The following SNTG1 variants were observed in gnomAD, a reference collection of about 807,000 sequenced individuals.
The protein encoded by SNTG1 is syntrophin gamma 1, also known as gamma-1-syntrophin.
A neutral mutation model predicts 74.7 loss-of-function variants in SNTG1; 39 were observed. The observed-to-expected ratio is 0.52, with a 90% CI of 0.40 to 0.68. The LOEUF (loss-of-function observed/expected upper bound fraction) is 0.68, where lower values mean the gene tolerates loss of function less well. Ranked by LOEUF, SNTG1 falls within the 30% of genes least tolerant of loss-of-function variation. The pLI is 0.00. For synonymous variants in SNTG1, 254 were observed against 217.1 expected, an observed-to-expected ratio of 1.17 and a Z score of -1.49; for missense variants, 685 against 609.5, an observed-to-expected ratio of 1.12 and a Z score of -1.30.
chr8:50,271,212 T>C (rs1014346868), intron 2 of SNTG1, among the ~76,000 whole-genome samples: 1 of 152,210 alleles, frequency 6.6e-6, no homozygotes, highest in South Asian at 2.1e-4. Context: ...TGGTATATCA[T>C]CCCTAACCCT....
At chr8:50,564,130 TA>T (rs759100369) in intron 12 of SNTG1, among the ~76,000 whole-genome samples, 3,339 of 147,150 alleles carry the variant, frequency 0.023, 132 homozygotes, top group African/African-American at 0.074. Context: ...TTTTTTTTTT[TA>T]AAATAGAAAT....
rs1215517920 is a variant in SNTG1, at chr8:50,121,060, TTTTA to T, written c.-102-51496_-102-51493del. On this transcript the variant is annotated intron_variant, in intron 1 of 18. Coordinates refer to ENST00000642720, the MANE Select transcript of SNTG1 (RefSeq NM_018967.5). ...GAAAATATTTATTTATTAGATTTAT[TTTTA>T]TTTAAGAATATTAAAATGTCTTCAT... Among the ~76,000 whole-genome samples the T allele has an allele frequency of 5.6e-5, 8 of 142,584 alleles. 2 individuals are homozygous for T. Among genetic ancestry groups the T allele is most frequent in the African/African-American group, 1.8e-4 (7 of 39,554 alleles). 93.5% of individuals were successfully genotyped at this position (142,584 alleles called of 152,430 possible). A position where few individuals can be genotyped will look rare whatever the true frequency, so the allele number is the denominator to read the frequency against.
chr8:50,420,123 A>C, intron 4 of SNTG1, among the ~76,000 whole-genome samples: 1 of 152,256 alleles, frequency 6.6e-6, no homozygotes, highest in Admixed American at 6.5e-5. Context: ...AAAAAACATA[A>C]AGGCTGAAAT....
intron 8 of SNTG1, among the ~76,000 whole-genome samples, chr8:50,466,099 C>T (rs2093606516): frequency 6.6e-6 from 1 of 152,064 alleles, no homozygotes; most frequent in South Asian, 2.1e-4. Context: ...CCAACATTGT[C>T]ATTCATTGAC....
chr8:50,547,628 A>C (rs1270875739), intron 11 of SNTG1, among the ~76,000 whole-genome samples: 2 of 152,104 alleles, frequency 1.3e-5, no homozygotes, highest in East Asian at 3.9e-4. Context: ...CCATAGCCAG[A>C]GGAGGACAGT....
intron 17 of SNTG1, among the ~76,000 whole-genome samples, chr8:50,721,366 C>A (rs537388473): frequency 6.6e-6 from 1 of 152,294 alleles, no homozygotes; most frequent in South Asian, 2.1e-4. Context: ...CATTTTCAAG[C>A]TTTGAGCCAA....
chr8:50,583,394 C>CAAAAAAAAA (rs58794829), intron 12 of SNTG1, among the ~76,000 whole-genome samples: 3 of 82,416 alleles, frequency 3.6e-5, no homozygotes, highest in African/African-American at 1.1e-4. Flanking sequence ...GAGTGAGACT[C>CAAAAAAAAA]AAAAAAAAAA....
intron 12 of SNTG1, among the ~76,000 whole-genome samples, chr8:50,566,336 T>A (rs1460848928): frequency 6.6e-6 from 1 of 151,956 alleles, no homozygotes; most frequent in Non-Finnish European, 1.5e-5. Context: ...GGTCACTGAA[T>A]CCTGAGGCTG....
At chr8:50,149,101 G>A (rs1260224151) in intron 1 of SNTG1, among the ~76,000 whole-genome samples, 1 of 152,240 alleles carries the variant, frequency 6.6e-6, no homozygotes, top group African/African-American at 2.4e-5. Flanking sequence ...TAACTGGTGT[G>A]AGATGGTATC....
At chr8:50,186,102 G>T (rs1208947862) in intron 2 of SNTG1, among the ~76,000 whole-genome samples, 1 of 152,026 alleles carries the variant, frequency 6.6e-6, no homozygotes, top group Non-Finnish European at 1.5e-5. Flanking sequence ...GCAGTGTTTG[G>T]TTTTCTGTTC....
intron 17 of SNTG1, among the ~76,000 whole-genome samples, chr8:50,739,377 C>A (rs1192162209): frequency 6.6e-6 from 1 of 151,998 alleles, no homozygotes; most frequent in Non-Finnish European, 1.5e-5. Flanking sequence ...CATCTCACAC[C>A]AATTAGAATG....
At position 50,697,136 on chromosome 8, in the gene SNTG1, T is replaced by C. The variant is rs186649362; in HGVS notation, c.1039-7464T>C. On this transcript the variant is annotated intron_variant, in intron 15 of 18. Coordinates refer to ENST00000642720, the MANE Select transcript of SNTG1 (RefSeq NM_018967.5). Reference sequence around the variant, plus strand: ...AATTTCTTTTATCAGTGTTTTGCAGTTTTTCTGGTAGAGCTCTTTTACCTC... The same window carrying C: ...AATTTCTTTTATCAGTGTTTTGCAGCTTTTCTGGTAGAGCTCTTTTACCTC... 4.6e-5 allele frequency among the ~76,000 whole-genome samples: 7 copies of C among 152,218 alleles called. No homozygotes were observed. The East Asian group carries it at 1.4e-3, about 29-fold the overall frequency.
chr8:50,044,280 C>G (rs571437740), intron 1 of SNTG1, among the ~76,000 whole-genome samples: 1 of 152,248 alleles, frequency 6.6e-6, no homozygotes, highest in Non-Finnish European at 1.5e-5. Context: ...CAAGAATTAT[C>G]AGATAAGTAA....
At chr8:50,391,132 C>T (rs997707853) in intron 2 of SNTG1, among the ~76,000 whole-genome samples, 1 of 152,166 alleles carries the variant, frequency 6.6e-6, no homozygotes, top group Non-Finnish European at 1.5e-5. Context: ...TGAGAGAGGA[C>T]ATCCCTGTCT....
chr8:50,570,569 T>C (rs1473823835), intron 12 of SNTG1, among the ~76,000 whole-genome samples: 1 of 48,780 alleles, frequency 2.1e-5, no homozygotes, highest in East Asian at 9.7e-4. Context: ...TATTTTTTAT[T>C]ATTATTATTA....
At chr8:49,923,625 T>A (rs115448672) in intron 1 of SNTG1, among the ~76,000 whole-genome samples, 1,939 of 152,222 alleles carry the variant, frequency 0.013, 44 homozygotes, top group African/African-American at 0.043. Flanking sequence ...ATGAAAGTTT[T>A]GAGCATCAAT....
At chr8:50,774,703 T>C (rs2095635630) in intron 18 of SNTG1, among the ~76,000 whole-genome samples, 1 of 151,748 alleles carries the variant, frequency 6.6e-6, no homozygotes, top group African/African-American at 2.4e-5. Context: ...TATTGGTGTT[T>C]TACTTCTAAT....
intron 1 of SNTG1, among the ~76,000 whole-genome samples, chr8:50,134,514 T>A (rs1314346244): frequency 6.6e-6 from 1 of 152,090 alleles, no homozygotes. Flanking sequence ...TCCTGGCTTA[T>A]GGGAAAGCTT....
intron 2 of SNTG1, among the ~76,000 whole-genome samples, chr8:50,341,116 C>A (rs572807647): frequency 2.6e-5 from 4 of 151,936 alleles, no homozygotes; most frequent in African/African-American, 9.6e-5. Flanking sequence ...GTAGTTTGGC[C>A]AACTGTAGGC....
Sources: gnomAD v4.1 joint callset for allele counts (sites outside exome capture counted in the v4.1 genomes callset) on GRCh38, gnomAD v4.1.1 for gene constraint, MANE v1.5 for transcripts, NCBI Gene and HGNC (gene_info 2026-07-23, HGNC 2026-07-21) for gene names.